SMIM14: variants seen among roughly 807,000 people sequenced by gnomAD.
SMIM14 encodes chromosome 4 open reading frame 34.
SMIM14 carries 5 observed loss-of-function variants against 12.6 expected under a neutral mutation model. The ratio of observed to expected loss-of-function variants is 0.40; its 90% confidence interval spans 0.21 to 0.83. The LOEUF (loss-of-function observed/expected upper bound fraction) is 0.83. SMIM14 is among the 40% of genes least tolerant of loss of function. The pLI is 0.37. For missense variants in SMIM14, 86 were observed against 119.1 expected (o/e 0.72, Z 1.29); for synonymous variants, 30 against 40.1 (o/e 0.75, Z 0.95).
At chr4:39,637,855 T>C (rs1238130789) in intron 1 of SMIM14, among the ~76,000 whole-genome samples, 1 of 152,232 alleles carries the variant, frequency 6.6e-6, no homozygotes, top group East Asian at 1.9e-4. Flanking sequence ...CTGCTGTTTC[T>C]GACAATAACA....
chr4:39,563,786 G>A (rs1712438817), intron 3 of SMIM14, among the ~76,000 whole-genome samples: 1 of 152,130 alleles, frequency 6.6e-6, no homozygotes, highest in African/African-American at 2.4e-5. Flanking sequence ...AACTTTTTAA[G>A]AACTGAGACC....
In SMIM14 at chr4:39,585,410, C is replaced by T. The variant is rs1188493960; in HGVS notation, c.76-12947G>A. On this transcript the variant is annotated intron_variant, in intron 2 of 4. Transcript: ENST00000295958. ...CTCCCAGGTTCAAGTGATTCTCCTG[C>T]CTCAGCCTCCTGAGTAGCTGGGATT... Among the ~76,000 whole-genome samples the T allele has an allele frequency of 2.0e-5, 3 of 152,110 alleles. No homozygotes were observed. In the East Asian group the frequency reaches 5.8e-4, roughly 29 times the overall value.
intron 1 of SMIM14, among the ~76,000 whole-genome samples, chr4:39,627,171 T>G (rs1461507564): frequency 6.6e-6 from 1 of 152,160 alleles, no homozygotes; most frequent in African/African-American, 2.4e-5. Flanking sequence ...CTCCTCATGA[T>G]GATGGCTCCA....
intron 2 of SMIM14, among the ~76,000 whole-genome samples, chr4:39,581,764 T>C (rs1416180299): frequency 6.6e-6 from 1 of 152,106 alleles, no homozygotes; most frequent in Non-Finnish European, 1.5e-5. Context: ...AGTTTCACCA[T>C]GTGGCCCAGG....
At chr4:39,632,811 AC>A (rs1715957207) in intron 1 of SMIM14, among the ~76,000 whole-genome samples, 1 of 150,592 alleles carries the variant, frequency 6.6e-6, no homozygotes, top group African/African-American at 2.5e-5. Flanking sequence ...ACACACACAC[AC>A]ACACACACAC....
intron 3 of SMIM14, among the ~76,000 whole-genome samples, chr4:39,562,063 G>A (rs1387121488): frequency 6.6e-6 from 1 of 151,964 alleles, no homozygotes; most frequent in Non-Finnish European, 1.5e-5. Context: ...GCTTACTGCT[G>A]CCAGAAAAGT....
At chr4:39,631,034 G>C (rs1449138405) in intron 1 of SMIM14, among the ~76,000 whole-genome samples, 1 of 152,092 alleles carries the variant, frequency 6.6e-6, no homozygotes, top group African/African-American at 2.4e-5. Flanking sequence ...AATATATATT[G>C]TATAAAAAGC....
intron 1 of SMIM14, among the ~76,000 whole-genome samples, chr4:39,616,184 G>GGAGT (rs1408909989): frequency 1.3e-5 from 2 of 152,184 alleles, no homozygotes; most frequent in African/African-American, 4.8e-5. Context: ...CACCCAGGCT[G>GGAGT]GAGTGCAGTG....
chr4:39,616,929 T>G (rs1038856675), intron 1 of SMIM14, among the ~76,000 whole-genome samples: 1 of 152,150 alleles, frequency 6.6e-6, no homozygotes, highest in African/African-American at 2.4e-5. Context: ...TGATTAAGGT[T>G]TTTAAAAGTA....
At chr4:39,577,624 C>T (rs916514265) in intron 2 of SMIM14, among the ~76,000 whole-genome samples, 4 of 152,062 alleles carry the variant, frequency 2.6e-5, no homozygotes, top group African/African-American at 9.7e-5. Flanking sequence ...CACAGGGTTT[C>T]ACCATGTTGG....
intron 4 of SMIM14, among the ~76,000 whole-genome samples, chr4:39,555,414 G>C (rs1441918038): frequency 1.3e-5 from 2 of 149,330 alleles, no homozygotes; most frequent in South Asian, 4.3e-4. Context: ...TTGTATTTTA[G>C]TAGAGACAGG....
intron 3 of SMIM14, among the ~76,000 whole-genome samples, chr4:39,562,792 CGA>C (rs1712374823): frequency 7.5e-6 from 1 of 133,124 alleles, no homozygotes; most frequent in African/African-American, 3.7e-5. Context: ...CAGGCATGAG[CGA>C]CCCCACCTGA....
intron 2 of SMIM14, among the ~76,000 whole-genome samples, chr4:39,575,737 C>G (rs924310156): frequency 1.2e-4 from 17 of 145,264 alleles, no homozygotes; most frequent in African/African-American, 4.0e-4. Context: ...GTGCACATCA[C>G]CATGCCCAGC....
intron 1 of SMIM14, among the ~76,000 whole-genome samples, chr4:39,636,173 CAAAAAAAAAAA>C (rs749292775): frequency 6.5e-5 from 5 of 76,344 alleles, no homozygotes; most frequent in African/African-American, 1.1e-4. Flanking sequence ...CTCCATCTCC[CAAAAAAAAAAA>C]AAAAAAAAAA....
At chr4:39,587,361 G>T (rs1183099854) in intron 2 of SMIM14, among the ~76,000 whole-genome samples, 3 of 151,448 alleles carry the variant, frequency 2.0e-5, no homozygotes, top group Admixed American at 6.6e-5. Context: ...GCCAGGCATG[G>T]TGGCGGGTGC....
At chr4:39,638,172 G>A (rs1432383535) in intron 1 of SMIM14, 1 of 152,206 alleles carries the variant, frequency 6.6e-6, no homozygotes, top group African/African-American at 2.4e-5. Context: ...CCTCTTTACT[G>A]TCAGCCTTGG....
At chr4:39,598,686 C>T (rs1364825156) in intron 2 of SMIM14, among the ~76,000 whole-genome samples, 6 of 152,214 alleles carry the variant, frequency 3.9e-5, no homozygotes, top group Non-Finnish European at 7.3e-5. Context: ...TTCTGTACTA[C>T]TTAATGTGTT....
intron 2 of SMIM14, among the ~76,000 whole-genome samples, chr4:39,578,762 G>A (rs1263220673): frequency 1.3e-5 from 2 of 152,070 alleles, no homozygotes; most frequent in East Asian, 3.9e-4. Flanking sequence ...TTGGGAGGTC[G>A]AGGCAGGTGG....
intron 2 of SMIM14, among the ~76,000 whole-genome samples, chr4:39,576,733 G>T (rs1157269372): frequency 2.4e-5 from 2 of 84,942 alleles, no homozygotes; most frequent in Non-Finnish European, 4.3e-5. Context: ...TTGAGACGGA[G>T]TCTTGCTCTG....
Sources: gnomAD v4.1 joint callset for allele counts (sites outside exome capture counted in the v4.1 genomes callset) on GRCh38, gnomAD v4.1.1 for gene constraint, MANE v1.5 for transcripts, NCBI Gene and HGNC (gene_info 2026-07-23, HGNC 2026-07-21) for gene names.